GABRA1: variants seen among roughly 807,000 people sequenced by gnomAD.
The protein encoded by GABRA1 is gamma-aminobutyric acid type A receptor subunit alpha1.
In GABRA1, 9 loss-of-function variants were observed where a neutral mutation model predicts 48.9. That is an observed-to-expected ratio of 0.18 (90% CI 0.11 to 0.32). The LOEUF is 0.32. Among genes scored for constraint, GABRA1 ranks in the 10% least tolerant of loss-of-function variants. The pLI, the probability that GABRA1 is intolerant of heterozygous loss-of-function variation, is 1.00. For synonymous variants in GABRA1, 210 were observed against 198.7 expected, an observed-to-expected ratio of 1.06 and a Z score of -0.48; for missense variants, 285 against 553.8, an observed-to-expected ratio of 0.51 and a Z score of 4.87.
intron 3 of GABRA1, 66 bp from the exon 4 acceptor site, chr5:161,865,655 T>G: frequency 1.6e-6 from 2 of 1,229,436 alleles, no homozygotes; most frequent in South Asian, 2.4e-5. Context: ...GGTGTCAGTA[T>G]GTGGTGGTGA....
rs754431874 is a variant in GABRA1, at chr5:161,850,890, G to C, written c.74+6G>C. ...AGCACACTGACTGGAAGAAGGTGGG[G>C]ACACTTTTTTAAAAATCTGCATGAA... On this transcript the variant is annotated splice_donor_region_variant and intron_variant, in intron 2 of 9. Transcript: ENST00000393943. 1 of 1,611,794 alleles carries C rather than the reference G, an allele frequency of 6.2e-7. No individual in the cohort carries two copies. The highest frequency in any genetic ancestry group is 8.5e-7 in the Non-Finnish European group (1 of 1,177,928).
intron 4 of GABRA1, among the ~76,000 whole-genome samples, chr5:161,866,878 A>C (rs907326270): frequency 2.0e-5 from 3 of 152,150 alleles, no homozygotes; most frequent in African/African-American, 7.2e-5. Context: ...TGTGGAGTAT[A>C]TAAGAGGTAA....
In GABRA1 at chr5:161,854,151, T is replaced by C. The variant is rs749903817; in HGVS notation, c.75-7T>C. 6.7e-6 allele frequency: 10 copies of C among 1,481,616 alleles called. No homozygotes were observed. Among genetic ancestry groups the C allele is most frequent in the African/African-American group, 1.4e-5 (1 of 71,932 alleles). 91.8% of individuals were successfully genotyped at this position (1,481,616 alleles called of 1,614,324 possible). On this transcript the variant is annotated splice_polypyrimidine_tract_variant and splice_region_variant and intron_variant, in intron 2 of 9. Transcript: ENST00000393943. ...TAGCTATTGCTTCTCTTTATGTTTT[T>C]TTTCAGCTATGGACAGCCGTCATTA... is the stretch of plus-strand genomic sequence containing the variant.
chr5:161,867,587 T>G (rs1254940063), intron 4 of GABRA1, among the ~76,000 whole-genome samples: 1 of 152,120 alleles, frequency 6.6e-6, no homozygotes, highest in Non-Finnish European at 1.5e-5. Context: ...TTTATAAGTT[T>G]TAAATGAGAT....
At chr5:161,875,514 TATCTA>T in intron 5 of GABRA1, 41 bp from the exon 6 acceptor site, 1 of 1,414,128 alleles carries the variant, frequency 7.1e-7, no homozygotes, top group Non-Finnish European at 1.0e-6. Flanking sequence ...TATCAAGAAG[TATCTA>T]ATCTATATGG....
At chr5:161,850,578 G>A (rs1046661523) in intron 1 of GABRA1, 2 of 593,444 alleles carry the variant, frequency 3.4e-6, no homozygotes, top group African/African-American at 3.7e-5. Flanking sequence ...TTCTTTTACA[G>A]GAGAATAAGG....
chr5:161,847,212 G>A (rs184629690), upstream of GABRA1: 8 of 152,080 alleles, frequency 5.3e-5, no homozygotes, highest in Non-Finnish European at 8.8e-5. Flanking sequence ...CCGGAGAAGG[G>A]GGGGGAAAAG....
chr5:161,871,510 C>T (rs142496775), intron 4 of GABRA1, among the ~76,000 whole-genome samples: 267 of 152,282 alleles, frequency 1.8e-3, no homozygotes, highest in Non-Finnish European at 3.0e-3. Flanking sequence ...CCCAGTTTTC[C>T]TGACAGGCAT....
chr5:161,871,088 A>G (rs1426469483), intron 4 of GABRA1, among the ~76,000 whole-genome samples: 1 of 152,094 alleles, frequency 6.6e-6, no homozygotes, highest in African/African-American at 2.4e-5. Context: ...GACAAACACA[A>G]TAAACATGTG....
intron 4 of GABRA1, among the ~76,000 whole-genome samples, chr5:161,869,727 T>C (rs1754026054): frequency 6.6e-6 from 1 of 151,930 alleles, no homozygotes; most frequent in Non-Finnish European, 1.5e-5. Context: ...ACTCACATTC[T>C]CCAGGGACCT....
At chr5:161,880,213 A>G (rs1462378743) in intron 6 of GABRA1, among the ~76,000 whole-genome samples, 1 of 152,212 alleles carries the variant, frequency 6.6e-6, no homozygotes, top group Non-Finnish European at 1.5e-5. Flanking sequence ...GTAAAATGCA[A>G]TTAAACTCTA....
At chr5:161,861,410 T>C (rs1581185837) in intron 3 of GABRA1, among the ~76,000 whole-genome samples, 1 of 151,934 alleles carries the variant, frequency 6.6e-6, no homozygotes, top group African/African-American at 2.4e-5. Flanking sequence ...CCATAGAAAC[T>C]GCTCATATTA....
intron 3 of GABRA1, among the ~76,000 whole-genome samples, chr5:161,864,974 T>C (rs1006258453): frequency 2.6e-5 from 4 of 152,070 alleles, no homozygotes; most frequent in African/African-American, 4.8e-5. Flanking sequence ...TCTGAAAGCA[T>C]TGTTTTTCTA....
intron 8 of GABRA1, among the ~76,000 whole-genome samples, chr5:161,894,152 C>G (rs568500289): frequency 6.6e-6 from 1 of 152,110 alleles, no homozygotes; most frequent in Admixed American, 6.6e-5. Flanking sequence ...GAGCTAAACA[C>G]TTCATTGCAT....
chr5:161,874,915 C>T (rs1754280654), intron 5 of GABRA1, among the ~76,000 whole-genome samples: 1 of 152,060 alleles, frequency 6.6e-6, no homozygotes, highest in Admixed American at 6.6e-5. Context: ...GAATAGATTT[C>T]ACATCCACAG....
Position 161,899,108 on chromosome 5 carries a change from G to A in GABRA1, c.*1686G>A, listed in dbSNP as rs1561590547. On this transcript the variant is annotated 3_prime_UTR_variant, in exon 10 of 10. Coordinates refer to ENST00000393943, the MANE Select transcript of GABRA1 (RefSeq NM_001127644.2). ...TTAGTGCTCAGAATCCACAAGTCAC[G>A]GTCTAAACACACTTAGAATACTACA... The A allele has an allele frequency of 6.6e-6, 1 of 152,390 alleles. No individual in the cohort carries two copies. The highest frequency in any genetic ancestry group is 1.5e-5 in the Non-Finnish European group (1 of 67,942). 9.4% of individuals were successfully genotyped at this position (152,390 alleles called of 1,614,324 possible). A position where few individuals can be genotyped will look rare whatever the true frequency, so the allele number is the denominator to read the frequency against.
In GABRA1 at chr5:161,898,153, T is replaced by C. The variant is rs1755458912; in HGVS notation, c.*731T>C. ...TCACTTTCATCTGAGCTTTTACCAC[T>C]AGACTCAAGGAAGAATAATTTTAAC... On this transcript the variant is annotated 3_prime_UTR_variant, in exon 10 of 10. Transcript: ENST00000393943. 1 of 152,456 alleles carries C rather than the reference T, an allele frequency of 6.6e-6. No individual in the cohort carries two copies. Among genetic ancestry groups the C allele is most frequent in the Admixed American group, 6.5e-5 (1 of 15,276 alleles). The allele number at this position is 152,456 out of a possible 1,614,324, so 9.4% of individuals were successfully genotyped here.
chr5:161,859,101 T>C (rs1757757294), intron 3 of GABRA1, among the ~76,000 whole-genome samples: 1 of 151,780 alleles, frequency 6.6e-6, no homozygotes, highest in Admixed American at 6.6e-5. Flanking sequence ...ATTTGGATTT[T>C]TTTGGTTTTG....
At chr5:161,868,411 A>G (rs954189524) in intron 4 of GABRA1, among the ~76,000 whole-genome samples, 12 of 116,808 alleles carry the variant, frequency 1.0e-4, no homozygotes, top group African/African-American at 4.4e-4. Context: ...TGAAATAGGT[A>G]AAATTGATGT....
Sources: allele counts gnomAD v4.1 joint callset (sites outside exome capture counted in the v4.1 genomes callset), GRCh38; gene constraint gnomAD v4.1.1; transcripts MANE v1.5; gene names NCBI Gene and HGNC (gene_info 2026-07-23, HGNC 2026-07-21).